MAFA: variants seen among roughly 807,000 people sequenced by gnomAD.
MAFA encodes transcription factor MafA.
For missense variants in MAFA, 547 were observed against 538.0 expected (o/e 1.02, Z -0.16); for synonymous variants, 244 against 260.3 (o/e 0.94, Z 0.60).
At position 143,429,310 on chromosome 8, in the gene MAFA, C is replaced by T; in HGVS notation, c.*35G>A. ...CCCGAGAGGCCTGCGCGAACTTGTC[C>T]CCGGCGACGGCGGCGCGGGCTCGGG... On this transcript the variant is annotated 3_prime_UTR_variant, in exon 1 of 1. Coordinates refer to ENST00000333480, the MANE Select transcript of MAFA (RefSeq NM_201589.4). The surrounding 1 kb of genome is among the most constrained non-coding windows in gnomAD (Gnocchi z 5.9). The T allele has an allele frequency of 1.5e-6, 2 of 1,310,046 alleles. No homozygotes were observed. The highest frequency in any genetic ancestry group is 1.9e-6 in the Non-Finnish European group (2 of 1,039,800). 81.2% of individuals were successfully genotyped at this position (1,310,046 alleles called of 1,614,324 possible). A position where few individuals can be genotyped will look rare whatever the true frequency, so the allele number is the denominator to read the frequency against.
chr8:143,429,610 C>T lies in MAFA; in HGVS notation c.797G>A (p.Gly266Asp), dbSNP rs773693521. ...KQKRRTLKNR[G>D]YAQSCRFKRV... ...CTTGAAGCGGCAGGACTGCGCGTAG[C>T]CGCGGTTCTTGAGCGTGCGCCGCTT... The change falls in exon 1 of 1, where the codon GGC (glycine) becomes GAC (aspartate). Residue 266 changes from glycine (G) to aspartate (D), a missense_variant. Transcript: ENST00000333480. This position sits in a 1 kb window ranked among gnomAD's most constrained non-coding sequence, Gnocchi z 5.9. The T allele has an allele frequency of 1.3e-6, 2 of 1,599,494 alleles. No homozygotes were observed. The highest frequency in any genetic ancestry group is 2.7e-5 in the African/African-American group (2 of 74,810).
Position 143,429,545 on chromosome 8 carries a change from G to A in MAFA, c.862C>T (p.Gln288Ter). The change falls in exon 1 of 1, where the codon CAA becomes TAA. Residue 288 changes from glutamine (Q) to a stop codon, truncating the protein, a stop_gained. Coordinates refer to ENST00000333480, the MANE Select transcript of MAFA (RefSeq NM_201589.4). LOFTEE classifies it low-confidence loss of function (END_TRUNC). The surrounding 1 kb of genome is among the most constrained non-coding windows in gnomAD (Gnocchi z 5.9). ...QRHILESEKC[Q>*]LQSQVEQLKL... ...AGCTGCTCCACCTGGCTCTGGAGTT[G>A]GCACTTCTCGCTCTCCAGAATGTGC... 6.2e-7 allele frequency: 1 copy of A among 1,605,236 alleles called. No individual in the cohort carries two copies. Among genetic ancestry groups the A allele is most frequent in the Non-Finnish European group, 8.5e-7 (1 of 1,179,530 alleles).
In MAFA at chr8:143,430,014, G is replaced by A. The variant is rs75183115; in HGVS notation, c.393C>T (p.Leu131=). ...CCACCGCGTCCTCGGGCGTCAGGTT[G>A]AGCGCCTCGGGGTTGAGGTGATGCT... ...GYQHHLNPEA[L]NLTPEDAVEA... is the part of the protein sequence containing the mutation. The change falls in exon 1 of 1, where the codon CTC becomes CTT. Residue 131 remains leucine, a synonymous_variant. Coordinates refer to ENST00000333480, the MANE Select transcript of MAFA (RefSeq NM_201589.4). 5.3e-3 allele frequency: 7,227 copies of A among 1,373,712 alleles called. 285 individuals carry two copies. In the African/African-American group the frequency reaches 0.092, roughly 17 times the overall value. 85.1% of individuals were successfully genotyped at this position (1,373,712 alleles called of 1,614,324 possible).
Position 143,430,415 on chromosome 8 carries a change from GC to G in MAFA, c.-10del. On this transcript the variant is annotated 5_prime_UTR_variant, in exon 1 of 1. Transcript: ENST00000333480. ...GCCAGCTCCGCGGCCATCGCCCGGG[GC>G]CCGCGCCCGGCCGCGCCCCGACGGG... is the stretch of plus-strand genomic sequence containing the variant. 8.1e-7 allele frequency: 1 copy of G among 1,234,346 alleles called. No individual in the cohort carries two copies. The highest frequency in any genetic ancestry group is 1.0e-6 in the Non-Finnish European group (1 of 974,530). 76.5% of individuals were successfully genotyped at this position (1,234,346 alleles called of 1,614,324 possible).
Position 143,430,193 on chromosome 8 carries a change from T to G in MAFA, c.214A>C (p.Ser72Arg). The G allele has an allele frequency of 8.3e-7, 1 of 1,208,114 alleles. No individual in the cohort carries two copies. The allele number at this position is 1,208,114 out of a possible 1,614,324, so 74.8% of individuals were successfully genotyped here. The change falls in exon 1 of 1, where the codon AGC becomes CGC. Residue 72 changes from serine (S) to arginine (R), a missense_variant. Coordinates refer to ENST00000333480, the MANE Select transcript of MAFA (RefSeq NM_201589.4). Reference sequence around the variant, plus strand: ...CCGCCGCCGCCGCCGGTGCCCGGGCTGGGCGCGCAGAAGCTGGGCGAGGAG... The same window carrying G: ...CCGCCGCCGCCGCCGGTGCCCGGGCGGGGCGCGCAGAAGCTGGGCGAGGAG... The part of the protein sequence containing the change: ...VPSSPSFCAP[S>R]PGTGGGGGAG...
At position 143,428,569 on chromosome 8, in the gene MAFA, G is replaced by C. The variant is rs1376132093; in HGVS notation, c.*776C>G. On this transcript the variant is annotated 3_prime_UTR_variant, in exon 1 of 1. Transcript: ENST00000333480. ...AGTTACAGATATGTTCTGGTGCATA[G>C]AGAGACAGCAGCTCGGGATCCGGGC... 6.6e-6 allele frequency: 1 copy of C among 152,248 alleles called. No homozygotes were observed. Among genetic ancestry groups the C allele is most frequent in the African/African-American group, 2.4e-5 (1 of 41,456 alleles). 9.4% of individuals were successfully genotyped at this position (152,248 alleles called of 1,614,324 possible). A position where few individuals can be genotyped will look rare whatever the true frequency, so the allele number is the denominator to read the frequency against.
Position 143,429,242 on chromosome 8 carries a change from G to A in MAFA, c.*103C>T. The A allele has an allele frequency of 1.6e-6, 2 of 1,219,282 alleles. No individual in the cohort carries two copies. The highest frequency in any genetic ancestry group is 2.0e-6 in the Non-Finnish European group (2 of 979,174). The allele number at this position is 1,219,282 out of a possible 1,614,324, so 75.5% of individuals were successfully genotyped here. On this transcript the variant is annotated 3_prime_UTR_variant, in exon 1 of 1. Transcript: ENST00000333480. This position sits in a 1 kb window ranked among gnomAD's most constrained non-coding sequence, Gnocchi z 5.9. ...CACCGGGGCCAGCACGGCCGGGCCG[G>A]GCCTGGTGTCCACGTCCTGTACCGC...
Position 143,430,129 on chromosome 8 carries a change from G to T in MAFA, c.278C>A (p.Ala93Asp). 2.8e-6 allele frequency: 3 copies of T among 1,081,776 alleles called. No homozygotes were observed. The highest frequency in any genetic ancestry group is 1.2e-4 in the East Asian group (2 of 17,284). 67.0% of individuals were successfully genotyped at this position (1,081,776 alleles called of 1,614,324 possible). Reference protein sequence around the residue: ...GGGGSSQAGGAPGPPSGGPGA... With the variant: ...GGGGSSQAGGDPGPPSGGPGA... ...GGGGCCCCCGCTCGGCGGCCCGGGG[G>T]CGCCCCCGGCCTGAGACGAGCCGCC... Residue 93 changes from alanine to aspartate, a missense_variant, in exon 1 of 1, where the codon GCC becomes GAC. Coordinates refer to ENST00000333480, the MANE Select transcript of MAFA (RefSeq NM_201589.4).
Position 143,429,201 on chromosome 8 carries a change from G to C in MAFA, c.*144C>G, listed in dbSNP as rs1819492900. 1 of 1,091,412 alleles carries C rather than the reference G, an allele frequency of 9.2e-7. No homozygotes were observed. Among genetic ancestry groups the C allele is most frequent in the Non-Finnish European group, 1.2e-6 (1 of 868,146 alleles). The allele number at this position is 1,091,412 out of a possible 1,614,324, so 67.6% of individuals were successfully genotyped here. On this transcript the variant is annotated 3_prime_UTR_variant, in exon 1 of 1. Coordinates refer to ENST00000333480, the MANE Select transcript of MAFA (RefSeq NM_201589.4). This position sits in a 1 kb window ranked among gnomAD's most constrained non-coding sequence, Gnocchi z 5.9. Reference sequence around the variant, plus strand: ...CGGGAGCGAAGGGGCCTCCAGCCCCGCGCCCGCAGACTTGGCACCGGGGCC... The same window carrying C: ...CGGGAGCGAAGGGGCCTCCAGCCCCCCGCCCGCAGACTTGGCACCGGGGCC...
At position 143,429,855 on chromosome 8, in the gene MAFA, GT is replaced by G; in HGVS notation, c.551del (p.His184ProfsTer57). ...GGGADDMGAG[H>X]HHGAHHAAHH... The stretch of plus-strand genomic sequence containing the variant: ...GGGCGGCGTGGTGCGCGCCGTGGTG[GT>G]GGCCGGCGCCCATGTCGTCCGCTCC... On this transcript the variant is annotated frameshift_variant, in exon 1 of 1. Coordinates refer to ENST00000333480, the MANE Select transcript of MAFA (RefSeq NM_201589.4). LOFTEE classifies it low-confidence loss of function (END_TRUNC). The surrounding 1 kb of genome is among the most constrained non-coding windows in gnomAD (Gnocchi z 5.9). 4.3e-6 allele frequency: 6 copies of G among 1,386,754 alleles called. No homozygotes were observed. The highest frequency in any genetic ancestry group is 5.6e-6 in the Non-Finnish European group (6 of 1,078,084). The allele number at this position is 1,386,754 out of a possible 1,614,324, so 85.9% of individuals were successfully genotyped here. A position where few individuals can be genotyped will look rare whatever the true frequency, so the allele number is the denominator to read the frequency against.
Position 143,429,717 on chromosome 8 carries a change from G to C in MAFA, c.690C>G (p.Asp230Glu), listed in dbSNP as rs533513408. ...CGCGCACCGACATGGACACCAGCTGGTCGTCGGAGAAGCGCTCCTCCAGGC... is the reference window on the plus strand; with the variant it reads ...CGCGCACCGACATGGACACCAGCTGCTCGTCGGAGAAGCGCTCCTCCAGGC... Reference protein sequence around the residue: ...HVRLEERFSDDQLVSMSVREL... With the variant: ...HVRLEERFSDEQLVSMSVREL... The change falls in exon 1 of 1, where the codon GAC becomes GAG. Residue 230 changes from aspartate to glutamate, a missense_variant. Coordinates refer to ENST00000333480, the MANE Select transcript of MAFA (RefSeq NM_201589.4). This position sits in a 1 kb window ranked among gnomAD's most constrained non-coding sequence, Gnocchi z 5.9. 397 of 1,559,746 alleles carry C rather than the reference G, an allele frequency of 2.5e-4. 3 individuals are homozygous for C. In the South Asian group the frequency reaches 4.2e-3, roughly 16 times the overall value.
In MAFA at chr8:143,430,460, G is replaced by T. The variant is rs1422842105; in HGVS notation, c.-54C>A. 3.9e-6 allele frequency: 3 copies of T among 769,788 alleles called. No individual in the cohort carries two copies. The South Asian group carries it at 1.3e-4, about 32-fold the overall frequency. The allele number at this position is 769,788 out of a possible 1,614,324, so 47.7% of individuals were successfully genotyped here. On this transcript the variant is annotated 5_prime_UTR_variant, in exon 1 of 1. Transcript: ENST00000333480. The stretch of plus-strand genomic sequence containing the variant: ...CGACGGGCGGCGTGGGAGTGGGGGG[G>T]GAGCTGCAGGCCTCTCCCCCCCCTG...
Position 143,429,943 on chromosome 8 carries a change from T to A in MAFA, c.464A>T (p.His155Leu). ...GTAGGCTGCGGCGGCCGCCGGGTGGTGCGCGCCGTGGTGCGCGCCGTGGTG... is the reference window on the plus strand; with the variant it reads ...GTAGGCTGCGGCGGCCGCCGGGTGGAGCGCGCCGTGGTGCGCGCCGTGGTG... ...SGHHGAHHGA[H>L]HPAAAAAYEA... is the part of the protein sequence containing the mutation. Residue 155 changes from histidine (H) to leucine (L), a missense_variant, in exon 1 of 1, where the codon CAC (histidine) becomes CTC (leucine). Transcript: ENST00000333480. This position sits in a 1 kb window ranked among gnomAD's most constrained non-coding sequence, Gnocchi z 5.9. 1 of 1,257,158 alleles carries A rather than the reference T, an allele frequency of 8.0e-7. No homozygotes were observed. The highest frequency in any genetic ancestry group is 1.0e-6 in the Non-Finnish European group (1 of 1,004,124). The allele number at this position is 1,257,158 out of a possible 1,614,324, so 77.9% of individuals were successfully genotyped here. A position where few individuals can be genotyped will look rare whatever the true frequency, so the allele number is the denominator to read the frequency against.
rs1296368143 is a variant in MAFA, at chr8:143,429,764, C to T, written c.643G>A (p.Gly215Ser). Reference sequence around the variant, plus strand: ...AGGCGCACGTGGTGGCCCGCGCCACCGCCGTGTCCCGCGCCGCCATGGTGG... The same window carrying T: ...AGGCGCACGTGGTGGCCCGCGCCACTGCCGTGTCCCGCGCCGCCATGGTGG... ...HHHHGGAGHG[G>S]GAGHHVRLEE... Residue 215 changes from glycine to serine, a missense_variant, in exon 1 of 1, where the codon GGT becomes AGT. By Grantham distance (56) the Gly-to-Ser change is moderately conservative. Coordinates refer to ENST00000333480, the MANE Select transcript of MAFA (RefSeq NM_201589.4). The surrounding 1 kb of genome is among the most constrained non-coding windows in gnomAD (Gnocchi z 5.9). 4.6e-6 allele frequency: 7 copies of T among 1,530,686 alleles called. No homozygotes were observed. Among genetic ancestry groups the T allele is most frequent in the Non-Finnish European group, 6.1e-6 (7 of 1,145,466 alleles). The allele number at this position is 1,530,686 out of a possible 1,614,324, so 94.8% of individuals were successfully genotyped here. A position where few individuals can be genotyped will look rare whatever the true frequency, so the allele number is the denominator to read the frequency against.
chr8:143,429,575 G>A lies in MAFA; in HGVS notation c.832C>T (p.Gln278Ter). 1 of 1,603,934 alleles carries A rather than the reference G, an allele frequency of 6.2e-7. No homozygotes were observed. The highest frequency in any genetic ancestry group is 8.5e-7 in the Non-Finnish European group (1 of 1,179,460). Residue 278 changes from glutamine (Q) to a stop codon, truncating the protein, a stop_gained, in exon 1 of 1, where the codon CAG (glutamine) becomes TAG (stop). Coordinates refer to ENST00000333480, the MANE Select transcript of MAFA (RefSeq NM_201589.4). LOFTEE classifies it low-confidence loss of function (END_TRUNC). The surrounding 1 kb of genome is among the most constrained non-coding windows in gnomAD (Gnocchi z 5.9). ...AQSCRFKRVQ[Q>*]RHILESEKCQ... ...TTCTCGCTCTCCAGAATGTGCCGCTGCTGCACCCGCTTGAAGCGGCAGGAC... is the reference window on the plus strand; with the variant it reads ...TTCTCGCTCTCCAGAATGTGCCGCTACTGCACCCGCTTGAAGCGGCAGGAC...
In MAFA at chr8:143,430,684, C is replaced by G. The variant is rs1299147170; in HGVS notation, c.-278G>C. 7.8e-6 allele frequency among the ~76,000 whole-genome samples: 1 copy of G among 128,178 alleles called. No individual in the cohort carries two copies. Among genetic ancestry groups the G allele is most frequent in the Admixed American group, 7.6e-5 (1 of 13,110 alleles). 84.1% of individuals were successfully genotyped at this position (128,178 alleles called of 152,430 possible). A position where few individuals can be genotyped will look rare whatever the true frequency, so the allele number is the denominator to read the frequency against. ...CCGCCGCCTCGGGCTGCTCCGGGAC[C>G]GCTCCCGCGCCCCACCCGCGCCGCC... On this transcript the variant is annotated 5_prime_UTR_variant, in exon 1 of 1. Coordinates refer to ENST00000333480, the MANE Select transcript of MAFA (RefSeq NM_201589.4).
chr8:143,429,782 CATG>C lies in MAFA; in HGVS notation c.622_624del (p.His208del), dbSNP rs1215411176. On this transcript the variant is annotated inframe_deletion, in exon 1 of 1. Coordinates refer to ENST00000333480, the MANE Select transcript of MAFA (RefSeq NM_201589.4). This position sits in a 1 kb window ranked among gnomAD's most constrained non-coding sequence, Gnocchi z 5.9. Reference sequence around the variant, plus strand: ...GCGCCACCGCCGTGTCCCGCGCCGCCATGGTGGTGGTGGTGGTGGTGGTGGTGG... The same window carrying C: ...GCGCCACCGCCGTGTCCCGCGCCGCCGTGGTGGTGGTGGTGGTGGTGGTGG... 7.8e-5 allele frequency: 112 copies of C among 1,430,378 alleles called. No homozygotes were observed. The highest frequency in any genetic ancestry group is 2.1e-4 in the Middle Eastern group (1 of 4,752). 88.6% of individuals were successfully genotyped at this position (1,430,378 alleles called of 1,614,324 possible).
Position 143,429,782 on chromosome 8 carries a change from CA to C in MAFA, c.624del (p.His208GlnfsTer33). 4 of 1,430,380 alleles carry C rather than the reference CA, an allele frequency of 2.8e-6. No individual in the cohort carries two copies. The highest frequency in any genetic ancestry group is 1.8e-6 in the Non-Finnish European group (2 of 1,099,156). 88.6% of individuals were successfully genotyped at this position (1,430,380 alleles called of 1,614,324 possible). The part of the protein sequence containing the change: ...AHHHHHHHHH[H>X]GGAGHGGGAG... ...GCGCCACCGCCGTGTCCCGCGCCGC[CA>C]TGGTGGTGGTGGTGGTGGTGGTGGT... On this transcript the variant is annotated frameshift_variant, in exon 1 of 1. Transcript: ENST00000333480. LOFTEE classifies it low-confidence loss of function (END_TRUNC). This position sits in a 1 kb window ranked among gnomAD's most constrained non-coding sequence, Gnocchi z 5.9.
In MAFA at chr8:143,429,337, T is replaced by C; in HGVS notation, c.*8A>G. On this transcript the variant is annotated 3_prime_UTR_variant, in exon 1 of 1. Coordinates refer to ENST00000333480, the MANE Select transcript of MAFA (RefSeq NM_201589.4). The surrounding 1 kb of genome is among the most constrained non-coding windows in gnomAD (Gnocchi z 5.9). Reference sequence around the variant, plus strand: ...CGGCGACGGCGGCGCGGGCTCGGGGTCCGGCGCCTACAGGAAGAAGTCGGC... The same window carrying C: ...CGGCGACGGCGGCGCGGGCTCGGGGCCCGGCGCCTACAGGAAGAAGTCGGC... 4 of 1,341,518 alleles carry C rather than the reference T, an allele frequency of 3.0e-6. No homozygotes were observed. The highest frequency in any genetic ancestry group is 3.8e-6 in the Non-Finnish European group (4 of 1,056,464). The allele number at this position is 1,341,518 out of a possible 1,614,324, so 83.1% of individuals were successfully genotyped here.
Sources: gnomAD v4.1 joint callset for allele counts (sites outside exome capture counted in the v4.1 genomes callset) on GRCh38, gnomAD v4.1.1 for gene constraint, Gnocchi (gnomAD v3.1) non-coding constraint, MANE v1.5 for transcripts, NCBI Gene and HGNC (gene_info 2026-07-23, HGNC 2026-07-21) for gene names.